The following CD109 variants were observed in gnomAD, a reference collection of about 807,000 sequenced individuals.
CD109 encodes CD109 molecule, also known as CD109 antigen.
Under a neutral mutation model 165.8 loss-of-function variants are expected in CD109, and 149 were observed. The ratio of observed to expected loss-of-function variants is 0.90; its 90% CI spans 0.79 to 1.03. The LOEUF (loss-of-function observed/expected upper bound fraction) is 1.03. CD109 is among the 50% of genes least tolerant of loss of function. The pLI, the probability that CD109 is intolerant of heterozygous loss-of-function variation, is 0.00. For synonymous variants in CD109, 585 were observed against 592.1 expected, an observed-to-expected ratio of 0.99 and a Z score of 0.18; for missense variants, 1,712 against 1,677.8, an observed-to-expected ratio of 1.02 and a Z score of -0.36.
At position 73,823,486 on chromosome 6, in the gene CD109, T is replaced by G; in HGVS notation, c.4191T>G (p.Ser1397=). 4 of 1,613,204 alleles carry G rather than the reference T, an allele frequency of 2.5e-6. No individual in the cohort carries two copies. The highest frequency in any genetic ancestry group is 3.4e-6 in the Non-Finnish European group (4 of 1,179,308). Residue 1397 remains serine (S), a synonymous_variant, in exon 33 of 33, where the codon TCT becomes TCG. Coordinates refer to ENST00000287097, the MANE Select transcript of CD109 (RefSeq NM_133493.5). ...GACAGGCGGTGAGAAGTTACAACTC[T>G]GAAGTGAAGCTGTCCTCCTGTGACC... ...PRRQAVRSYN[S]EVKLSSCDLC...
intron 4 of CD109, among the ~76,000 whole-genome samples, chr6:73,735,290 A>T (rs1021128989): frequency 6.6e-6 from 1 of 152,232 alleles, no homozygotes; most frequent in Non-Finnish European, 1.5e-5. Context: ...TAAAAAGTGT[A>T]TAGCCACTGC....
At chr6:73,761,500 C>G (rs745901588) in intron 7 of CD109, among the ~76,000 whole-genome samples, 3 of 152,092 alleles carry the variant, frequency 2.0e-5, no homozygotes, top group Non-Finnish European at 2.9e-5. Flanking sequence ...AACTTAATTT[C>G]AAGGATCACC....
chr6:73,806,667 A>C (rs1775577162), intron 24 of CD109, among the ~76,000 whole-genome samples, 177 bp from the exon 25 acceptor site: 1 of 152,060 alleles, frequency 6.6e-6, no homozygotes, highest in Non-Finnish European at 1.5e-5. Context: ...AGAGTTGCTT[A>C]CCTTGTCCCT....
At chr6:73,702,553 C>T (rs1035333132) in intron 2 of CD109, among the ~76,000 whole-genome samples, 1 of 152,124 alleles carries the variant, frequency 6.6e-6, no homozygotes, top group Admixed American at 6.5e-5. Flanking sequence ...ATTCACACAT[C>T]GTCTTTGTTC....
At chr6:73,792,851 T>C in intron 23 of CD109, 49 bp downstream of exon 23, 1 of 1,453,582 alleles carries the variant, frequency 6.9e-7, no homozygotes, top group South Asian at 1.3e-5. Context: ...AATTTGTTTT[T>C]TTCAGGTAGG....
At chr6:73,791,176 T>C (rs1042646649) in intron 22 of CD109, among the ~76,000 whole-genome samples, 1,587 of 24,072 alleles carry the variant, frequency 0.066, 106 homozygotes, top group African/African-American at 0.12. Flanking sequence ...TATATATATA[T>C]ACACACACAC....
chr6:73,778,397 T>G (rs1230685261), intron 15 of CD109, among the ~76,000 whole-genome samples: 1 of 152,228 alleles, frequency 6.6e-6, no homozygotes, highest in African/African-American at 2.4e-5. Flanking sequence ...CATTTTTTCT[T>G]TCTTTCTTTT....
At chr6:73,739,026 G>T (rs182206204) in intron 5 of CD109, among the ~76,000 whole-genome samples, 13 of 152,260 alleles carry the variant, frequency 8.5e-5, no homozygotes, top group Admixed American at 4.6e-4. Context: ...TTCTGGTCTT[G>T]CTCACCTCTC....
At chr6:73,800,774 A>G (rs1775334047) in intron 23 of CD109, among the ~76,000 whole-genome samples, 1 of 151,906 alleles carries the variant, frequency 6.6e-6, no homozygotes, top group Non-Finnish European at 1.5e-5. Context: ...AGGGCTTTTT[A>G]TCCTTTACCC....
chr6:73,771,378 A>G (rs757223254), intron 14 of CD109, 51 bp from the exon 15 acceptor site: 46 of 1,502,406 alleles, frequency 3.1e-5, no homozygotes, highest in Non-Finnish European at 4.1e-5. Flanking sequence ...ATTGGCAAGA[A>G]TATGCTTTAA....
intron 2 of CD109, among the ~76,000 whole-genome samples, chr6:73,720,071 A>G (rs969340767): frequency 6.6e-6 from 1 of 152,220 alleles, no homozygotes; most frequent in African/African-American, 2.4e-5. Flanking sequence ...TATTCCCAAT[A>G]TCTAAGATAT....
At chr6:73,768,364 G>T in intron 14 of CD109, 133 bp downstream of exon 14, 1 of 603,820 alleles carries the variant, frequency 1.7e-6, no homozygotes, top group Non-Finnish European at 2.9e-6. Flanking sequence ...CTAGAACTAT[G>T]GTTAAACTTT....
chr6:73,816,723 G>A (rs1775950145), intron 30 of CD109, among the ~76,000 whole-genome samples: 1 of 152,114 alleles, frequency 6.6e-6, no homozygotes, highest in African/African-American at 2.4e-5. Flanking sequence ...AGAAATTAAT[G>A]GAAACAATCC....
chr6:73,808,805 G>GGTGT (rs10552233), intron 26 of CD109, among the ~76,000 whole-genome samples: 131 of 145,982 alleles, frequency 9.0e-4, no homozygotes, highest in Middle Eastern at 7.2e-3. Flanking sequence ...CAGGGATCCA[G>GGTGT]GTGTGTGTGT....
At chr6:73,787,209 G>C (rs750010301) in intron 20 of CD109, 25 bp from the exon 21 acceptor site, 50 of 1,485,238 alleles carry the variant, frequency 3.4e-5, no homozygotes, top group Non-Finnish European at 2.5e-5. Flanking sequence ...TTATACAAAA[G>C]CTTTGATTTA....
intron 6 of CD109, among the ~76,000 whole-genome samples, chr6:73,758,690 T>G (rs1299210925): frequency 1.3e-5 from 2 of 152,138 alleles, no homozygotes; most frequent in African/African-American, 4.8e-5. Flanking sequence ...GCCTCATACC[T>G]TAATTATATA....
intron 23 of CD109, among the ~76,000 whole-genome samples, chr6:73,794,910 C>T (rs1418066859): frequency 6.6e-6 from 1 of 151,430 alleles, no homozygotes; most frequent in Non-Finnish European, 1.5e-5. Context: ...TATATACGTA[C>T]AAGAATAACC....
At chr6:73,783,892 AT>A (rs11301365) in intron 19 of CD109, 68 bp downstream of exon 19, 257,323 of 736,862 alleles carry the variant, frequency 0.35, 45,516 homozygotes, top group Admixed American at 0.45. Flanking sequence ...CAGCTCCTCA[AT>A]TTTTTTTTTA....
chr6:73,770,294 A>T (rs1773988641), intron 14 of CD109, among the ~76,000 whole-genome samples: 1 of 152,266 alleles, frequency 6.6e-6, no homozygotes, highest in Non-Finnish European at 1.5e-5. Flanking sequence ...TTTCTAAAAT[A>T]AATGCTCTAA....
Sources: gnomAD v4.1 joint callset for allele counts (sites outside exome capture counted in the v4.1 genomes callset) on GRCh38, gnomAD v4.1.1 for gene constraint, MANE v1.5 for transcripts, NCBI Gene and HGNC (gene_info 2026-07-23, HGNC 2026-07-21) for gene names.